Variants in FLI1 observed in about 807,000 individuals in gnomAD.
FLI1 encodes the protein Fli-1 proto-oncogene, ETS transcription factor.
Under a neutral mutation model 53.1 loss-of-function variants are expected in FLI1, and 13 were observed. The ratio of observed to expected loss-of-function variants is 0.24; its 90% confidence interval spans 0.16 to 0.39. The LOEUF (loss-of-function observed/expected upper bound fraction) is 0.39. FLI1 is among the 10% of genes least tolerant of loss of function. FLI1 has a pLI of 1.00. For missense variants in FLI1, 424 were observed against 600.5 expected (o/e 0.71, Z 3.07); for synonymous variants, 244 against 236.7 (o/e 1.03, Z -0.28).
intron 5 of FLI1, among the ~76,000 whole-genome samples, chr11:128,796,670 G>A (rs1363793765): frequency 6.6e-6 from 1 of 152,198 alleles, no homozygotes; most frequent in African/African-American, 2.4e-5. Flanking sequence ...CACCTGCCAG[G>A]CCACAAAAGA....
intron 1 of FLI1, among the ~76,000 whole-genome samples, chr11:128,749,811 C>T (rs760974097): frequency 1.3e-5 from 2 of 152,218 alleles, no homozygotes; most frequent in Non-Finnish European, 2.9e-5. Context: ...TCCCTCCCTG[C>T]CCTTTACGCA....
intron 1 of FLI1, among the ~76,000 whole-genome samples, chr11:128,708,897 A>G (rs1293273900): frequency 6.6e-6 from 1 of 152,200 alleles, no homozygotes; most frequent in East Asian, 1.9e-4. Flanking sequence ...ACCAAATGTG[A>G]CTTCATGCCC....
intron 5 of FLI1, among the ~76,000 whole-genome samples, chr11:128,796,938 G>T (rs1222731899): frequency 1.3e-5 from 2 of 152,240 alleles, no homozygotes; most frequent in African/African-American, 4.8e-5. Flanking sequence ...TTGCGCCATT[G>T]CACTCCAGCC....
intron 2 of FLI1, 112 bp from the exon 3 acceptor site, chr11:128,768,006 C>G: frequency 3.3e-6 from 3 of 897,324 alleles, no homozygotes; most frequent in Non-Finnish European, 5.0e-6. Context: ...CAAGTGTGGC[C>G]GGGCAATGGC....
intron 5 of FLI1, among the ~76,000 whole-genome samples, chr11:128,790,312 A>T (rs1942234769): frequency 6.7e-6 from 1 of 149,368 alleles, no homozygotes; most frequent in African/African-American, 2.5e-5. Flanking sequence ...AGAGAGAGAG[A>T]AAGAACGAGG....
At chr11:128,739,137 ATC>A (rs1178697853) in intron 1 of FLI1, among the ~76,000 whole-genome samples, 1 of 152,018 alleles carries the variant, frequency 6.6e-6, no homozygotes, top group African/African-American at 2.4e-5. Flanking sequence ...GCTGAGGGAG[ATC>A]TCTTAGCCTT....
At chr11:128,732,009 A>AAAAAG (rs1555112911) in intron 1 of FLI1, among the ~76,000 whole-genome samples, 2 of 151,624 alleles carry the variant, frequency 1.3e-5, no homozygotes, top group Non-Finnish European at 2.9e-5. Flanking sequence ...TCTCAAAAAA[A>AAAAAG]AAAAGAAAAG....
At chr11:128,699,548 G>T (rs1938233210) in intron 1 of FLI1, among the ~76,000 whole-genome samples, 1 of 152,112 alleles carries the variant, frequency 6.6e-6, no homozygotes, top group African/African-American at 2.4e-5. Context: ...AGTTATACAG[G>T]TGTCTTTTCC....
intron 1 of FLI1, among the ~76,000 whole-genome samples, chr11:128,688,183 G>A (rs896084157): frequency 2.6e-5 from 4 of 152,112 alleles, no homozygotes; most frequent in Admixed American, 2.0e-4. Flanking sequence ...TACACACCCC[G>A]GGACCCAGGA....
At chr11:128,694,832 C>A (rs11221437) in intron 1 of FLI1, among the ~76,000 whole-genome samples, 61,927 of 151,990 alleles carry the variant, frequency 0.41, 12,816 homozygotes, top group Admixed American at 0.44. Flanking sequence ...GCGGGCTCCT[C>A]CAGATGGAAG....
At chr11:128,808,126 A>C (rs946827642) in intron 7 of FLI1, among the ~76,000 whole-genome samples, 3 of 152,196 alleles carry the variant, frequency 2.0e-5, no homozygotes, top group African/African-American at 7.2e-5. Flanking sequence ...GAGAGTTTTA[A>C]AGACTGTCCA....
chr11:128,737,406 GGAACAC>G (rs1231728935), intron 1 of FLI1, among the ~76,000 whole-genome samples: 5 of 152,106 alleles, frequency 3.3e-5, no homozygotes, highest in Non-Finnish European at 7.4e-5. Flanking sequence ...CCACCACACC[GGAACAC>G]GAGCTCTGTT....
chr11:128,698,743 A>AGAGG (rs1565454677), intron 1 of FLI1, among the ~76,000 whole-genome samples: 1 of 126,104 alleles, frequency 7.9e-6, no homozygotes, highest in Admixed American at 7.9e-5. Flanking sequence ...TGAGAGAGAG[A>AGAGG]GAGAGAGAGA....
In FLI1 at chr11:128,738,247, C is replaced by T. The variant is rs148686580; in HGVS notation, c.19-19868C>T. 6.4e-4 allele frequency among the ~76,000 whole-genome samples: 98 copies of T among 152,274 alleles called. 1 individual carries two copies. Among genetic ancestry groups the T allele is most frequent in the African/African-American group, 1.6e-3 (66 of 41,550 alleles). Reference sequence around the variant, plus strand: ...GCAGGGGAGGAGCAGAGACCAGAACCCTGGACCTCTGGCTCCATGCTGTTT... The same window carrying T: ...GCAGGGGAGGAGCAGAGACCAGAACTCTGGACCTCTGGCTCCATGCTGTTT... On this transcript the variant is annotated intron_variant, in intron 1 of 8. Coordinates refer to ENST00000527786, the MANE Select transcript of FLI1 (RefSeq NM_002017.5).
At chr11:128,712,298 G>T (rs1224969138) in intron 1 of FLI1, among the ~76,000 whole-genome samples, 1 of 152,122 alleles carries the variant, frequency 6.6e-6, no homozygotes, top group Non-Finnish European at 1.5e-5. Context: ...GCTTTCTGAG[G>T]CCTCATCAGA....
intron 3 of FLI1, among the ~76,000 whole-genome samples, chr11:128,770,448 G>A (rs1221859126): frequency 6.6e-6 from 1 of 152,216 alleles, no homozygotes; most frequent in Non-Finnish European, 1.5e-5. Context: ...TTGAATTTAT[G>A]ATGGGATTTA....
chr11:128,759,038 T>C (rs1408054054), intron 2 of FLI1, among the ~76,000 whole-genome samples: 1 of 152,212 alleles, frequency 6.6e-6, no homozygotes, highest in Non-Finnish European at 1.5e-5. Context: ...GACTGGGATA[T>C]TCACTTCCTT....
intron 1 of FLI1, among the ~76,000 whole-genome samples, chr11:128,750,312 A>G (rs1000861389): frequency 1.3e-5 from 2 of 152,202 alleles, no homozygotes. Context: ...AGGGCAGAAC[A>G]GAGGGAAAGG....
intron 1 of FLI1, among the ~76,000 whole-genome samples, chr11:128,688,541 G>C (rs1937624662): frequency 6.6e-6 from 1 of 152,188 alleles, no homozygotes; most frequent in South Asian, 2.1e-4. Flanking sequence ...ACCCGGCTCA[G>C]GAGTTGTTGA....
Sources: gnomAD v4.1 joint callset for allele counts (sites outside exome capture counted in the v4.1 genomes callset) on GRCh38, gnomAD v4.1.1 for gene constraint, MANE v1.5 for transcripts, NCBI Gene and HGNC (gene_info 2026-07-23, HGNC 2026-07-21) for gene names.